TTYH1: variants seen among roughly 807,000 people sequenced by gnomAD.
TTYH1 encodes protein tweety homolog 1.
Under a neutral mutation model 61.2 loss-of-function variants are expected in TTYH1, and 33 were observed. The observed-to-expected ratio is 0.54, with a 90% CI of 0.41 to 0.72. TTYH1 has a LOEUF of 0.72. Ranked by LOEUF, TTYH1 falls within the 30% of genes least tolerant of loss-of-function variation. TTYH1 has a pLI of 0.00. For missense variants in TTYH1, 538 were observed against 575.8 expected (o/e 0.93, Z 0.67); for synonymous variants, 308 against 266.4 (o/e 1.16, Z -1.52).
In TTYH1 at chr19:54,416,731, C is replaced by T; in HGVS notation, c.126+1053C>T. ...CACAGCCCTGAGCAGCTCTTCCCCG[C>T]CTGCTCCTCGCCGCCCCCTCTCCCC... On this transcript the variant is annotated intron_variant, in intron 1 of 13. Coordinates refer to ENST00000376530, the MANE Select transcript of TTYH1 (RefSeq NM_020659.4). The surrounding 1 kb of genome is among the most constrained non-coding windows in gnomAD (Gnocchi z 7.0). The T allele has an allele frequency of 7.8e-7, 1 of 1,288,334 alleles. No individual in the cohort carries two copies. Among genetic ancestry groups the T allele is most frequent in the Non-Finnish European group, 1.0e-6 (1 of 986,642 alleles). 79.8% of individuals were successfully genotyped at this position (1,288,334 alleles called of 1,614,324 possible). A position where few individuals can be genotyped will look rare whatever the true frequency, so the allele number is the denominator to read the frequency against.
At position 54,435,834 on chromosome 19, in the gene TTYH1, C is replaced by T. The variant is rs1251222407; in HGVS notation, c.1275C>T (p.Asp425=). The part of the protein sequence containing the change: ...RAWALFPPSD[D]YDDTDDDDPF... ...GCCCCGCATCAAACCCCAGTGACGACTACGATGACACAGACGATGACGACC... is the reference window on the plus strand; with the variant it reads ...GCCCCGCATCAAACCCCAGTGACGATTACGATGACACAGACGATGACGACC... The change falls in exon 12 of 14, where the codon GAC becomes GAT. Residue 425 remains aspartate, a synonymous_variant. Coordinates refer to ENST00000376530, the MANE Select transcript of TTYH1 (RefSeq NM_020659.4). 1 of 1,614,072 alleles carries T rather than the reference C, an allele frequency of 6.2e-7. No individual in the cohort carries two copies. Among genetic ancestry groups the T allele is most frequent in the Non-Finnish European group, 8.5e-7 (1 of 1,179,996 alleles).
At position 54,436,272 on chromosome 19, in the gene TTYH1, G is replaced by A; in HGVS notation, c.*43-61G>A. The A allele has an allele frequency of 1.2e-6, 2 of 1,612,012 alleles. No individual in the cohort carries two copies. Among genetic ancestry groups the A allele is most frequent in the Non-Finnish European group, 8.5e-7 (1 of 1,178,394 alleles). The stretch of plus-strand genomic sequence containing the variant: ...ATGGGCTGCGTGCCTCCTGCTGGGT[G>A]GATCGCACCGGGCAGGCCCTCCAGC... On this transcript the variant is annotated intron_variant, in intron 13 of 13. Transcript: ENST00000376530. This position sits in a 1 kb window ranked among gnomAD's most constrained non-coding sequence, Gnocchi z 4.3.
Position 54,436,535 on chromosome 19 carries a change from GC to G in TTYH1, c.*247del. The stretch of plus-strand genomic sequence containing the variant: ...GGCAGGGGAGGGGGCAGACAGCCTC[GC>G]CTCGCACCCTTCATCCCTGGCTGCC... On this transcript the variant is annotated 3_prime_UTR_variant, in exon 14 of 14. Coordinates refer to ENST00000376530, the MANE Select transcript of TTYH1 (RefSeq NM_020659.4). The surrounding 1 kb of genome is among the most constrained non-coding windows in gnomAD (Gnocchi z 4.3). The G allele has an allele frequency of 1.4e-6, 1 of 726,202 alleles. No individual in the cohort carries two copies. Among genetic ancestry groups the G allele is most frequent in the Non-Finnish European group, 2.3e-6 (1 of 428,154 alleles). 45.0% of individuals were successfully genotyped at this position (726,202 alleles called of 1,614,324 possible). A position where few individuals can be genotyped will look rare whatever the true frequency, so the allele number is the denominator to read the frequency against.
At chr19:54,435,499 G>A (rs745931580) in intron 10 of TTYH1, 43 bp from the exon 11 acceptor site, 5 of 1,553,328 alleles carry the variant, frequency 3.2e-6, no homozygotes, top group Middle Eastern at 2.4e-4. Flanking sequence ...TGCCGATGGG[G>A]GAGGGGGTGG....
chr19:54,418,365 A>C, intron 1 of TTYH1: 2 of 149,916 alleles, frequency 1.3e-5, no homozygotes, highest in East Asian at 2.0e-4. Context: ...TCTCTCCCTT[A>C]CTCTGCTCTT....
Position 54,431,195 on chromosome 19 carries a change from A to C in TTYH1, c.1125+4A>C. ...ACACTGCCGCAGCCTGCACAAGGTG[A>C]AGCCCCTCCCCTCCCAATTTCTTCT... On this transcript the variant is annotated splice_donor_region_variant and intron_variant, in intron 10 of 13. Transcript: ENST00000376530. The C allele has an allele frequency of 6.2e-7, 1 of 1,610,252 alleles. No homozygotes were observed. Among genetic ancestry groups the C allele is most frequent in the Non-Finnish European group, 8.5e-7 (1 of 1,176,720 alleles).
At position 54,436,162 on chromosome 19, in the gene TTYH1, C is replaced by G. The variant is rs568496543; in HGVS notation, c.*33C>G. 1.9e-6 allele frequency: 3 copies of G among 1,613,950 alleles called. No individual in the cohort carries two copies. The highest frequency in any genetic ancestry group is 8.5e-7 in the Non-Finnish European group (1 of 1,179,974). ...CTCCCGGCTGGACTGGAGCCTGGCT[C>G]CCCTCTTCGGTGAGCTTCCAAGGGC... On this transcript the variant is annotated 3_prime_UTR_variant, in exon 13 of 14. Coordinates refer to ENST00000376530, the MANE Select transcript of TTYH1 (RefSeq NM_020659.4). This position sits in a 1 kb window ranked among gnomAD's most constrained non-coding sequence, Gnocchi z 4.3.
At chr19:54,418,996 A>T in intron 1 of TTYH1, 132 bp from the exon 2 acceptor site, 1 of 899,834 alleles carries the variant, frequency 1.1e-6, no homozygotes, top group South Asian at 1.8e-5. Flanking sequence ...ATCTCCCCCA[A>T]GATTAGGCCA....
chr19:54,426,736 C>A lies in TTYH1; in HGVS notation c.702C>A (p.Gly234=), dbSNP rs770885954. 4 of 1,614,012 alleles carry A rather than the reference C, an allele frequency of 2.5e-6. No individual in the cohort carries two copies. The highest frequency in any genetic ancestry group is 3.4e-6 in the Non-Finnish European group (4 of 1,179,994). The change falls in exon 5 of 14, where the codon GGC becomes GGA. Residue 234 remains glycine, a synonymous_variant. Coordinates refer to ENST00000376530, the MANE Select transcript of TTYH1 (RefSeq NM_020659.4). Reference sequence around the variant, plus strand: ...TGGTCTGCCTCTTCACCCTCCTGGGCCTGGCGAAGCAGAGCAAGTGGCTGG... The same window carrying A: ...TGGTCTGCCTCTTCACCCTCCTGGGACTGGCGAAGCAGAGCAAGTGGCTGG... ...ELLVCLFTLL[G]LAKQSKWLVI...
chr19:54,419,527 C>G lies in TTYH1; in HGVS notation c.305+221C>G, dbSNP rs1306044179. The G allele has an allele frequency of 2.8e-6, 2 of 711,544 alleles. No individual in the cohort carries two copies. The highest frequency in any genetic ancestry group is 4.0e-5 in the Admixed American group (2 of 49,872). The allele number at this position is 711,544 out of a possible 1,614,324, so 44.1% of individuals were successfully genotyped here. On this transcript the variant is annotated intron_variant, in intron 2 of 13. Coordinates refer to ENST00000376530, the MANE Select transcript of TTYH1 (RefSeq NM_020659.4). The surrounding 1 kb of genome is among the most constrained non-coding windows in gnomAD (Gnocchi z 6.1). ...GTGAGGCTCTGGAGAGGAAGTGAAT[C>G]AAGGGCAGCCATCTGGTGAGAAGGC...
chr19:54,427,346 C>T (rs1256654593), intron 5 of TTYH1, among the ~76,000 whole-genome samples: 3 of 142,666 alleles, frequency 2.1e-5, no homozygotes, highest in Admixed American at 7.2e-5. Context: ...TGGCTCACGC[C>T]TGTAATTCCA....
At chr19:54,430,242 G>C (rs766811840) in intron 7 of TTYH1, among the ~76,000 whole-genome samples, 10 of 152,230 alleles carry the variant, frequency 6.6e-5, no homozygotes, top group Non-Finnish European at 1.2e-4. Context: ...GCCAGGAAGA[G>C]AGAGGAGGGT....
intron 4 of TTYH1, among the ~76,000 whole-genome samples, chr19:54,425,155 T>C (rs966519075): frequency 3.0e-4 from 46 of 152,304 alleles, no homozygotes; most frequent in Non-Finnish European, 4.4e-4. Context: ...TCTAGCCCGA[T>C]TGGGAGCGGC....
intron 5 of TTYH1, among the ~76,000 whole-genome samples, chr19:54,427,805 G>A (rs1802154769): frequency 6.6e-6 from 1 of 152,086 alleles, no homozygotes; most frequent in African/African-American, 2.4e-5. Flanking sequence ...AAAGCCGCAG[G>A]ACCACACTGA....
chr19:54,427,297 T>G (rs2083341295), intron 5 of TTYH1, among the ~76,000 whole-genome samples: 1 of 26,610 alleles, frequency 3.8e-5, no homozygotes, highest in African/African-American at 1.5e-4. Context: ...ACACTCCATC[T>G]CAAAAAAAAA....
Position 54,415,592 on chromosome 19 carries a change from C to A in TTYH1, c.40C>A (p.His14Asn). Residue 14 changes from histidine to asparagine, a missense_variant, in exon 1 of 14, where the codon CAT (histidine) becomes AAT (asparagine). Physicochemically the swap from His to Asn is moderately conservative, Grantham distance 68. Around this residue, in one of 3 missense-constraint regions of TTYH1, gnomAD observed 157 missense variants for 157.0 expected, o/e 1.00. Transcript: ENST00000376530. This position sits in a 1 kb window ranked among gnomAD's most constrained non-coding sequence, Gnocchi z 5.2. ...GGGCTACCGGCCCTCAGCTTGGGTG[C>A]ATCTCCTCCACCAGCTGCCCCGCGC... ...PPGYRPSAWVHLLHQLPRADF... is the reference protein window; with the variant it reads ...PPGYRPSAWVNLLHQLPRADF... The A allele has an allele frequency of 6.5e-7, 1 of 1,539,692 alleles. No individual in the cohort carries two copies. Among genetic ancestry groups the A allele is most frequent in the Non-Finnish European group, 8.7e-7 (1 of 1,150,306 alleles).
chr19:54,417,610 A>G (rs2083114112), intron 1 of TTYH1, among the ~76,000 whole-genome samples: 1 of 129,862 alleles, frequency 7.7e-6, no homozygotes, highest in African/African-American at 3.1e-5. Flanking sequence ...ACTCCCATAT[A>G]CAAGCACACA....
Position 54,416,641 on chromosome 19 carries a change from A to AG in TTYH1, c.126+968dup, listed in dbSNP as rs2083083233. On this transcript the variant is annotated intron_variant, in intron 1 of 13. Transcript: ENST00000376530. The surrounding 1 kb of genome is among the most constrained non-coding windows in gnomAD (Gnocchi z 7.0). Reference sequence around the variant, plus strand: ...GGATTGGAGAGCTCAGGGGGCGTGGAGGGGGTCCCAGAAAAGCGCGGAGGG... The same window carrying AG: ...GGATTGGAGAGCTCAGGGGGCGTGGAGGGGGGTCCCAGAAAAGCGCGGAGGG... 1 of 792,622 alleles carries AG rather than the reference A, an allele frequency of 1.3e-6. No individual in the cohort carries two copies. Among genetic ancestry groups the AG allele is most frequent in the South Asian group, 1.6e-5 (1 of 61,248 alleles). The allele number at this position is 792,622 out of a possible 1,614,324, so 49.1% of individuals were successfully genotyped here. A position where few individuals can be genotyped will look rare whatever the true frequency, so the allele number is the denominator to read the frequency against.
Position 54,430,957 on chromosome 19 carries a change from G to A in TTYH1, c.1032+52G>A, listed in dbSNP as rs748053222. ...CGCGGACCCCACGGGGAAGGCGGAC[G>A]GGGCGGGATGGAGCTGTGGGGCGTA... On this transcript the variant is annotated intron_variant, in intron 9 of 13. Transcript: ENST00000376530. The A allele has an allele frequency of 3.8e-6, 6 of 1,588,702 alleles. No individual in the cohort carries two copies. In the African/African-American group the frequency reaches 4.0e-5, roughly 11 times the overall value.
Sources: allele counts gnomAD v4.1 joint callset (sites outside exome capture counted in the v4.1 genomes callset), GRCh38; gene constraint gnomAD v4.1.1; regional missense constraint gnomAD v4.1.1; non-coding constraint Gnocchi (gnomAD v3.1); transcripts MANE v1.5; gene names NCBI Gene and HGNC (gene_info 2026-07-23, HGNC 2026-07-21).